Variants in SGCZ observed in about 807,000 individuals in gnomAD.
The protein encoded by SGCZ is zeta-sarcoglycan.
In SGCZ, 40 loss-of-function variants were observed where a neutral mutation model predicts 41.3. The observed-to-expected ratio is 0.97, with a 90% confidence interval of 0.75 to 1.26. SGCZ has a LOEUF of 1.26. Ranked by LOEUF, SGCZ falls within the 50% of genes most tolerant of loss-of-function variation. The pLI is 0.00. For missense variants in SGCZ, 552 were observed against 369.8 expected (o/e 1.49, Z -4.04); for synonymous variants, 206 against 137.5 (o/e 1.50, Z -3.49).
At chr8:14,932,831 C>T (rs755890189) in intron 1 of SGCZ, among the ~76,000 whole-genome samples, 1 of 151,848 alleles carries the variant, frequency 6.6e-6, no homozygotes, top group Admixed American at 6.6e-5. Flanking sequence ...TGAACTAAAA[C>T]AAGAAAAAAT....
intron 5 of SGCZ, among the ~76,000 whole-genome samples, chr8:14,119,491 A>G (rs921686137): frequency 2.6e-5 from 4 of 152,162 alleles, no homozygotes; most frequent in African/African-American, 9.7e-5. Context: ...TAAATATACA[A>G]TCATGACATC....
chr8:14,845,915 G>A (rs1033439164), intron 1 of SGCZ, among the ~76,000 whole-genome samples: 9 of 152,080 alleles, frequency 5.9e-5, no homozygotes, highest in African/African-American at 1.9e-4. Context: ...CAGACGAAGT[G>A]GTCCTCAAAG....
intron 4 of SGCZ, among the ~76,000 whole-genome samples, chr8:14,220,456 G>C (rs1282479657): frequency 1.3e-5 from 2 of 152,114 alleles, no homozygotes; most frequent in East Asian, 3.8e-4. Flanking sequence ...TGAGCTTCTG[G>C]GGTGCTGTTC....
intron 4 of SGCZ, among the ~76,000 whole-genome samples, chr8:14,167,848 G>C (rs1804255107): frequency 6.6e-6 from 1 of 152,066 alleles, no homozygotes; most frequent in South Asian, 2.1e-4. Context: ...CTGACAAAGA[G>C]AGATAATTCA....
chr8:14,333,788 A>C (rs941968454), intron 2 of SGCZ, among the ~76,000 whole-genome samples: 1 of 152,136 alleles, frequency 6.6e-6, no homozygotes, highest in African/African-American at 2.4e-5. Flanking sequence ...GGGATGAATT[A>C]TTCATATTTT....
At chr8:14,787,749 G>C (rs73533015) in intron 1 of SGCZ, among the ~76,000 whole-genome samples, 9,886 of 152,122 alleles carry the variant, frequency 0.065, 670 homozygotes, top group African/African-American at 0.17. Flanking sequence ...GGGAGACAGA[G>C]GCAGGAGAAT....
chr8:14,320,159 C>G (rs1413961751), intron 3 of SGCZ, among the ~76,000 whole-genome samples: 1 of 149,414 alleles, frequency 6.7e-6, no homozygotes, highest in Admixed American at 6.7e-5. Flanking sequence ...TTCTTTAAAA[C>G]TTGACTAAAG....
intron 3 of SGCZ, among the ~76,000 whole-genome samples, chr8:14,243,935 A>G (rs1041480577): frequency 6.6e-6 from 1 of 152,212 alleles, no homozygotes. Context: ...TCCTGAAAAC[A>G]TAGTATGCTG....
chr8:14,894,414 AG>A (rs1291714589), intron 1 of SGCZ, among the ~76,000 whole-genome samples: 2 of 152,294 alleles, frequency 1.3e-5, no homozygotes, highest in Admixed American at 1.3e-4. Flanking sequence ...TGAAAGGAAA[AG>A]CTTGACTTTG....
intron 2 of SGCZ, among the ~76,000 whole-genome samples, chr8:14,456,234 C>A (rs1800739657): frequency 6.6e-6 from 1 of 152,046 alleles, no homozygotes; most frequent in South Asian, 2.1e-4. Context: ...CATAGTGAAA[C>A]CCTGTCTCTA....
chr8:15,142,736 C>T (rs773969928), intron 1 of SGCZ, among the ~76,000 whole-genome samples: 2 of 151,588 alleles, frequency 1.3e-5, no homozygotes, highest in South Asian at 2.1e-4. Flanking sequence ...CTCAGCCTCC[C>T]GAGTAGCTGG....
chr8:15,095,201 C>G (rs776532032), intron 1 of SGCZ, among the ~76,000 whole-genome samples: 1 of 152,106 alleles, frequency 6.6e-6, no homozygotes, highest in Non-Finnish European at 1.5e-5. Flanking sequence ...CGGGTTCAAG[C>G]GACTCTCCTG....
chr8:14,424,596 A>G (rs1799726049), intron 2 of SGCZ, among the ~76,000 whole-genome samples: 2 of 150,930 alleles, frequency 1.3e-5, no homozygotes, highest in South Asian at 4.2e-4. Flanking sequence ...TATAATTCAT[A>G]TATTTTTTAC....
intron 1 of SGCZ, among the ~76,000 whole-genome samples, chr8:14,642,848 G>T (rs750106851): frequency 2.6e-5 from 4 of 151,488 alleles, no homozygotes; most frequent in Non-Finnish European, 5.9e-5. Context: ...ATTTAAAAAA[G>T]TATTGGAAAG....
chr8:14,443,688 G>A (rs943966563), intron 2 of SGCZ, among the ~76,000 whole-genome samples: 23 of 152,118 alleles, frequency 1.5e-4, no homozygotes, highest in African/African-American at 5.3e-4. Flanking sequence ...TGAAACGTTA[G>A]ACCTAAAACC....
At chr8:14,649,045 T>C (rs1475790910) in intron 1 of SGCZ, among the ~76,000 whole-genome samples, 1 of 152,128 alleles carries the variant, frequency 6.6e-6, no homozygotes, top group Non-Finnish European at 1.5e-5. Context: ...TCATTTAAAA[T>C]CACGTGTTAC....
At chr8:15,217,991 TAGG>T (rs925170955) in intron 1 of SGCZ, among the ~76,000 whole-genome samples, 3 of 152,164 alleles carry the variant, frequency 2.0e-5, no homozygotes, top group African/African-American at 7.2e-5. Context: ...GAGGCCGAGG[TAGG>T]AGAATTACTT....
chr8:14,303,399 A>G (rs1801256204), intron 3 of SGCZ, among the ~76,000 whole-genome samples: 1 of 152,154 alleles, frequency 6.6e-6, no homozygotes, highest in Non-Finnish European at 1.5e-5. Context: ...ATAATAAATT[A>G]TATATATTAC....
At chr8:14,566,872 T>A (rs7000533) in intron 1 of SGCZ, among the ~76,000 whole-genome samples, 1 of 152,066 alleles carries the variant, frequency 6.6e-6, no homozygotes, top group Non-Finnish European at 1.5e-5. Flanking sequence ...TGCGGGCCAG[T>A]GCGAGTTCCA....
Sources: allele counts gnomAD v4.1 joint callset (sites outside exome capture counted in the v4.1 genomes callset), GRCh38; gene constraint gnomAD v4.1.1; transcripts MANE v1.5; gene names NCBI Gene and HGNC (gene_info 2026-07-23, HGNC 2026-07-21).